The following MCPH1 variants were observed in gnomAD, a reference collection of about 807,000 sequenced individuals.
MCPH1 encodes the protein microcephalin 1, also known as microcephalin.
MCPH1 carries 104 observed loss-of-function variants against 84.5 expected under a neutral mutation model. The ratio of observed to expected loss-of-function variants is 1.23; its 90% CI spans 1.05 to 1.45. The LOEUF (loss-of-function observed/expected upper bound fraction) is 1.45. Ranked by LOEUF, MCPH1 falls within the 40% of genes most tolerant of loss-of-function variation. MCPH1 has a pLI of 0.00. For synonymous variants in MCPH1, 514 were observed against 366.8 expected, an observed-to-expected ratio of 1.40 and a Z score of -4.58; for missense variants, 1,498 against 1,005.7, an observed-to-expected ratio of 1.49 and a Z score of -6.62.
rs80107587 is a variant in MCPH1, at chr8:6,538,561, G to T, written c.2214+38632G>T. 7.1e-3 allele frequency among the ~76,000 whole-genome samples: 1,080 copies of T among 152,280 alleles called. 19 individuals carry two copies. The highest frequency in any genetic ancestry group is 0.025 in the African/African-American group (1,022 of 41,560). ...ACCTGGGCGCGCACTGTCCTTGGCT[G>T]TCCCAGCTGCCCAGCGGCCTCATAC... is the stretch of plus-strand genomic sequence containing the variant. On this transcript the variant is annotated intron_variant, in intron 12 of 13. Coordinates refer to ENST00000344683, the MANE Select transcript of MCPH1 (RefSeq NM_024596.5).
At chr8:6,561,198 C>T (rs1318808003) in intron 12 of MCPH1, among the ~76,000 whole-genome samples, 5 of 152,226 alleles carry the variant, frequency 3.3e-5, no homozygotes, top group African/African-American at 1.2e-4. Context: ...AAGCAAACCA[C>T]AGTGACCTGG....
chr8:6,511,021 T>C (rs996839150), intron 12 of MCPH1, among the ~76,000 whole-genome samples: 4 of 152,238 alleles, frequency 2.6e-5, no homozygotes, highest in Admixed American at 1.3e-4. Context: ...CCATTAATCA[T>C]AGACAGGATT....
At chr8:6,516,769 A>G (rs957094527) in intron 12 of MCPH1, among the ~76,000 whole-genome samples, 6 of 152,292 alleles carry the variant, frequency 3.9e-5, no homozygotes, top group South Asian at 2.1e-4. Context: ...TGTTCCAAGA[A>G]TGTTTGATTC....
rs182242987 is a variant in MCPH1 at position 6,473,892 on chromosome 8, C to G, written c.1936-3702C>G. 7.0e-5 allele frequency: 107 copies of G among 1,530,660 alleles called. No homozygotes were observed. In the African/African-American group the frequency reaches 1.5e-3, roughly 21 times the overall value. 94.8% of individuals were successfully genotyped at this position (1,530,660 alleles called of 1,614,324 possible). A position where few individuals can be genotyped will look rare whatever the true frequency, so the allele number is the denominator to read the frequency against. ...TGCTCAATCCATTTCAAGATCTGATCTACATTATTTTCTAGCTCTTCTGGT... is the reference window on the plus strand; with the variant it reads ...TGCTCAATCCATTTCAAGATCTGATGTACATTATTTTCTAGCTCTTCTGGT... On this transcript the variant is annotated intron_variant, in intron 9 of 13. Coordinates refer to ENST00000344683, the MANE Select transcript of MCPH1 (RefSeq NM_024596.5).
intron 9 of MCPH1, among the ~76,000 whole-genome samples, chr8:6,456,348 C>G (rs531488866): frequency 2.0e-5 from 3 of 152,196 alleles, no homozygotes; most frequent in Non-Finnish European, 4.4e-5. Flanking sequence ...GCGCTGCCTC[C>G]CAGGGGTGGG....
At chr8:6,550,470 C>T (rs1176698838) in intron 12 of MCPH1, among the ~76,000 whole-genome samples, 2 of 152,232 alleles carry the variant, frequency 1.3e-5, no homozygotes, top group African/African-American at 4.8e-5. Flanking sequence ...GTCCTCACCT[C>T]CCCTCCGGGG....
intron 8 of MCPH1, among the ~76,000 whole-genome samples, chr8:6,450,296 G>A (rs1414363285): frequency 6.6e-6 from 1 of 151,910 alleles, no homozygotes; most frequent in Non-Finnish European, 1.5e-5. Flanking sequence ...TCCACAAATT[G>A]ACCAATATGC....
chr8:6,433,350 T>C (rs1342005043), intron 4 of MCPH1, among the ~76,000 whole-genome samples: 1 of 152,152 alleles, frequency 6.6e-6, no homozygotes, highest in African/African-American at 2.4e-5. Context: ...ACCTATTTCT[T>C]GGCCAGATAC....
chr8:6,442,288 C>T (rs780738249), intron 7 of MCPH1, 132 bp downstream of exon 7: 2 of 657,080 alleles, frequency 3.0e-6, no homozygotes, highest in African/African-American at 3.6e-5. Context: ...TAAATTTCCC[C>T]CTGAAATTAG....
chr8:6,592,614 CTTTTTTTTGTTTTTTTTTT>C (rs1674638927), intron 12 of MCPH1, among the ~76,000 whole-genome samples: 2 of 65,546 alleles, frequency 3.1e-5, no homozygotes, highest in African/African-American at 5.2e-5. Context: ...GTTTTTCTTT[CTTTTTTTTGTTTTTTTTTT>C]TTTTTTTTTT....
At chr8:6,579,115 G>T (rs762371073) in intron 12 of MCPH1, among the ~76,000 whole-genome samples, 1 of 152,192 alleles carries the variant, frequency 6.6e-6, no homozygotes, top group South Asian at 2.1e-4. Context: ...AAGGGAGAAC[G>T]TCTTTCATTC....
intron 13 of MCPH1, among the ~76,000 whole-genome samples, chr8:6,641,395 G>C (rs1157708084): frequency 6.6e-6 from 1 of 152,148 alleles, no homozygotes; most frequent in African/African-American, 2.4e-5. Context: ...ACAAAGTGTT[G>C]ATATAATTTG....
At chr8:6,555,450 G>C (rs938750718) in intron 12 of MCPH1, among the ~76,000 whole-genome samples, 1 of 139,284 alleles carries the variant, frequency 7.2e-6, no homozygotes, top group African/African-American at 3.0e-5. Context: ...TTTGTTTTAC[G>C]GGGGGTGGTT....
chr8:6,531,277 CT>C (rs1819457747), intron 12 of MCPH1, among the ~76,000 whole-genome samples: 1 of 148,074 alleles, frequency 6.8e-6, no homozygotes, highest in Non-Finnish European at 1.5e-5. Flanking sequence ...TTACTAGTTT[CT>C]TTCTTTCTTT....
intron 12 of MCPH1, chr8:6,532,561 TCCTC>T: frequency 1.1e-6 from 1 of 933,756 alleles, no homozygotes; most frequent in Non-Finnish European, 1.5e-6. Flanking sequence ...GTTTGTCGTC[TCCTC>T]CCTATCTTTA....
chr8:6,535,901 A>AT (rs1330990463), intron 12 of MCPH1, among the ~76,000 whole-genome samples: 1 of 151,812 alleles, frequency 6.6e-6, no homozygotes, highest in Non-Finnish European at 1.5e-5. Context: ...ACAAAAAAAA[A>AT]AAAAAATTAG....
intron 12 of MCPH1, among the ~76,000 whole-genome samples, chr8:6,606,750 C>T (rs1259627590): frequency 6.6e-6 from 1 of 152,178 alleles, no homozygotes; most frequent in Admixed American, 6.5e-5. Flanking sequence ...TCTTGAGTTC[C>T]CACATGTTGT....
At chr8:6,632,338 TTTATG>T (rs992451215) in intron 13 of MCPH1, among the ~76,000 whole-genome samples, 5 of 152,178 alleles carry the variant, frequency 3.3e-5, no homozygotes, top group Admixed American at 3.3e-4. Flanking sequence ...TATGGTAAAT[TTTATG>T]TTATGTCTAT....
At chr8:6,566,019 C>T (rs1275068987) in intron 12 of MCPH1, among the ~76,000 whole-genome samples, 1 of 152,200 alleles carries the variant, frequency 6.6e-6, no homozygotes, top group Non-Finnish European at 1.5e-5. Context: ...ATTTTCGGCT[C>T]TGCAGGCTAT....
Sources: allele counts gnomAD v4.1 joint callset (sites outside exome capture counted in the v4.1 genomes callset), GRCh38; gene constraint gnomAD v4.1.1; transcripts MANE v1.5; gene names NCBI Gene and HGNC (gene_info 2026-07-23, HGNC 2026-07-21).